ABCC8: variants seen among roughly 807,000 people sequenced by gnomAD.
ABCC8 encodes the protein ATP-binding cassette sub-family C member 8.
In ABCC8, 137 loss-of-function variants were observed where a neutral mutation model predicts 188.0. The ratio of observed to expected loss-of-function variants is 0.73; its 90% CI spans 0.63 to 0.84. The LOEUF is 0.84. ABCC8 is among the 40% of genes least tolerant of loss of function. ABCC8 has a pLI of 0.00. For missense variants in ABCC8, 1,750 were observed against 2,072.7 expected (o/e 0.84, Z 3.02); for synonymous variants, 797 against 846.5 (o/e 0.94, Z 1.01).
At chr11:17,442,935 G>A (rs1221230770) in intron 9 of ABCC8, 53 bp from the exon 10 acceptor site, 7 of 1,604,526 alleles carry the variant, frequency 4.4e-6, no homozygotes, top group Admixed American at 1.7e-5. Flanking sequence ...TCTCCCACCC[G>A]AGAGGAAGGC....
chr11:17,475,148 G>T, intron 1 of ABCC8, 121 bp from the exon 2 acceptor site: 3 of 1,445,610 alleles, frequency 2.1e-6, no homozygotes, highest in South Asian at 2.4e-5. Context: ...TACACATGAG[G>T]ATCCCCAAGG....
chr11:17,394,521 G>A (rs1953805828), intron 36 of ABCC8, 122 bp from the exon 37 acceptor site: 4 of 1,527,896 alleles, frequency 2.6e-6, no homozygotes, highest in Non-Finnish European at 2.7e-6. Flanking sequence ...GTGGGTGTGT[G>A]TCCAAGAGCA....
At chr11:17,466,798 T>C (rs1028715286) in intron 3 of ABCC8, among the ~76,000 whole-genome samples, 42 of 151,958 alleles carry the variant, frequency 2.8e-4, no homozygotes, top group African/African-American at 9.7e-4. Flanking sequence ...CCCAAGTAGC[T>C]GGAACTACAG....
chr11:17,397,281 G>A lies in ABCC8; in HGVS notation c.3900C>T (p.Asn1300=). Residue 1300 remains asparagine (N), a synonymous_variant, in exon 32 of 39, where the codon AAC becomes AAT. Transcript: ENST00000389817. ...VSNYLNWMVR[N]LADMELQLGA... ...CCAGCTGGAGCTCCATGTCTGCCAG[G>A]TTCCTCACCATCCAGTTGAGGTAGT... 3 of 1,613,174 alleles carry A rather than the reference G, an allele frequency of 1.9e-6. No individual in the cohort carries two copies. The highest frequency in any genetic ancestry group is 2.5e-6 in the Non-Finnish European group (3 of 1,180,018).
chr11:17,453,312 T>G, intron 6 of ABCC8, 29 bp from the exon 7 acceptor site: 5 of 1,613,170 alleles, frequency 3.1e-6, no homozygotes, highest in Non-Finnish European at 4.2e-6. Flanking sequence ...CAGAGGTGAC[T>G]GTCATTGCCA....
chr11:17,436,535 T>A (rs1246880681), intron 10 of ABCC8, among the ~76,000 whole-genome samples: 6 of 152,336 alleles, frequency 3.9e-5, no homozygotes, highest in Admixed American at 2.0e-4. Flanking sequence ...CTCACCTTAA[T>A]TTGATTTAGA....
intron 14 of ABCC8, 165 bp downstream of exon 14, chr11:17,428,124 G>A: frequency 6.4e-7 from 1 of 1,562,666 alleles, no homozygotes; most frequent in Non-Finnish European, 8.7e-7. Context: ...TAAGGCTGGG[G>A]GTCCCCCCAC....
At chr11:17,458,131 G>A (rs1957061830) in intron 6 of ABCC8, among the ~76,000 whole-genome samples, 4 of 152,072 alleles carry the variant, frequency 2.6e-5, no homozygotes, top group South Asian at 2.1e-4. Context: ...TCTTTGTTGC[G>A]GACACTGGAG....
chr11:17,400,994 C>T (rs897417394), intron 29 of ABCC8, among the ~76,000 whole-genome samples: 17 of 152,296 alleles, frequency 1.1e-4, no homozygotes, highest in Non-Finnish European at 2.5e-4. Context: ...AATCATTCAC[C>T]GTGTCAGTAG....
intron 4 of ABCC8, 76 bp downstream of exon 4, chr11:17,463,362 G>A (rs1847942020): frequency 8.0e-7 from 1 of 1,254,218 alleles, no homozygotes; most frequent in East Asian, 2.5e-5. Context: ...AAGCAGGGTG[G>A]GGGCCTGAAC....
At chr11:17,476,502 G>A in intron 1 of ABCC8, 127 bp downstream of exon 1, 1 of 1,191,390 alleles carries the variant, frequency 8.4e-7, no homozygotes, top group African/African-American at 1.6e-5. Flanking sequence ...CAGGGCAGGG[G>A]ACCCCGGGAA....
intron 2 of ABCC8, among the ~76,000 whole-genome samples, chr11:17,474,557 T>TC (rs397695084): frequency 6.6e-6 from 1 of 151,318 alleles, no homozygotes; most frequent in African/African-American, 2.4e-5. Flanking sequence ...TTTTTTTTTT[T>TC]CCAAGAAGGT....
intron 10 of ABCC8, among the ~76,000 whole-genome samples, chr11:17,437,211 T>C (rs1956140007): frequency 6.6e-6 from 1 of 152,052 alleles, no homozygotes; most frequent in African/African-American, 2.4e-5. Flanking sequence ...AGTGTAAGTT[T>C]TTCATACCCT....
intron 36 of ABCC8, among the ~76,000 whole-genome samples, chr11:17,394,848 C>G (rs929921691): frequency 5.3e-5 from 8 of 152,186 alleles, no homozygotes; most frequent in African/African-American, 1.9e-4. Context: ...TAAGGCAGAA[C>G]TGGGCATGCA....
chr11:17,406,533 T>C, intron 26 of ABCC8, 89 bp downstream of exon 26: 1 of 1,370,098 alleles, frequency 7.3e-7, no homozygotes, highest in Non-Finnish European at 1.0e-6. Flanking sequence ...TGTGACAGGT[T>C]GTATATCCCC....
At chr11:17,423,845 T>C (rs1303511230) in intron 16 of ABCC8, among the ~76,000 whole-genome samples, 2 of 152,228 alleles carry the variant, frequency 1.3e-5, no homozygotes, top group East Asian at 3.8e-4. Flanking sequence ...CCCCTTCTCT[T>C]TGAGCACATG....
chr11:17,409,936 G>C (rs956357122), intron 22 of ABCC8, among the ~76,000 whole-genome samples: 6 of 152,046 alleles, frequency 3.9e-5, no homozygotes, highest in African/African-American at 1.4e-4. Flanking sequence ...GGCTGTAGTG[G>C]AGTGCAGTGG....
rs1956065886 is a variant in ABCC8, at chr11:17,435,755, G to C, written c.1631-3511C>G. 3.7e-6 allele frequency: 5 copies of C among 1,347,144 alleles called. No individual in the cohort carries two copies. In the South Asian group the frequency reaches 5.9e-5, roughly 16 times the overall value. The allele number at this position is 1,347,144 out of a possible 1,614,324, so 83.4% of individuals were successfully genotyped here. On this transcript the variant is annotated intron_variant, in intron 10 of 38. Coordinates refer to ENST00000389817, the MANE Select transcript of ABCC8 (RefSeq NM_000352.6). Reference sequence around the variant, plus strand: ...GATTGGTATAGCTGGGGAATCTTCAGGCCTTTTCCTAGGTCCCACATCAAG... The same window carrying C: ...GATTGGTATAGCTGGGGAATCTTCACGCCTTTTCCTAGGTCCCACATCAAG...
At chr11:17,401,395 C>G (rs1295371833) in intron 29 of ABCC8, among the ~76,000 whole-genome samples, 1 of 152,208 alleles carries the variant, frequency 6.6e-6, no homozygotes, top group East Asian at 1.9e-4. Flanking sequence ...GAGCTTTGCT[C>G]TGCTCTTCTT....
Sources: gnomAD v4.1 joint callset for allele counts (sites outside exome capture counted in the v4.1 genomes callset) on GRCh38, gnomAD v4.1.1 for gene constraint, MANE v1.5 for transcripts, NCBI Gene and HGNC (gene_info 2026-07-23, HGNC 2026-07-21) for gene names.